Variants in SLC44A5 observed in about 807,000 individuals in gnomAD.
SLC44A5 encodes choline transporter-like protein 5.
In SLC44A5, 57 loss-of-function variants were observed where a neutral mutation model predicts 101.8. The observed-to-expected ratio is 0.56, with a 90% CI of 0.45 to 0.70. The LOEUF is 0.70. Ranked by LOEUF, SLC44A5 falls within the 30% of genes least tolerant of loss-of-function variation. SLC44A5 has a pLI of 0.00. For synonymous variants in SLC44A5, 281 were observed against 290.9 expected, an observed-to-expected ratio of 0.97 and a Z score of 0.35; for missense variants, 737 against 853.1, an observed-to-expected ratio of 0.86 and a Z score of 1.70.
intron 1 of SLC44A5, among the ~76,000 whole-genome samples, chr1:75,542,082 T>G (rs1671383715): frequency 6.6e-6 from 1 of 152,180 alleles, no homozygotes; most frequent in South Asian, 2.1e-4. Flanking sequence ...GGGGAAAAGC[T>G]ATTCAATTTT....
chr1:75,690,431 A>T, the SLC44A5 span, among the ~76,000 whole-genome samples: 1 of 152,140 alleles, frequency 6.6e-6, no homozygotes, highest in Admixed American at 6.6e-5. Flanking sequence ...TTGGGTGGGG[A>T]CCCAGAGCCA....
intron 1 of SLC44A5, among the ~76,000 whole-genome samples, chr1:75,578,165 A>C (rs1673479279): frequency 6.6e-6 from 1 of 152,022 alleles, no homozygotes; most frequent in Admixed American, 6.6e-5. Flanking sequence ...TTCCCAAGTA[A>C]ATTTTGAGTA....
intron 1 of SLC44A5, among the ~76,000 whole-genome samples, chr1:75,604,234 T>C (rs1435119289): frequency 3.3e-5 from 5 of 152,170 alleles, no homozygotes; most frequent in African/African-American, 1.2e-4. Flanking sequence ...TGCATATGGA[T>C]AGCCAGTTAT....
intron 2 of SLC44A5, among the ~76,000 whole-genome samples, chr1:75,523,679 G>A (rs1670267310): frequency 6.6e-6 from 1 of 152,202 alleles, no homozygotes; most frequent in Non-Finnish European, 1.5e-5. Flanking sequence ...AGATGTGAAG[G>A]ATGTTGCTGC....
At chr1:75,404,270 A>T (rs1662702621) in intron 2 of SLC44A5, among the ~76,000 whole-genome samples, 1 of 152,194 alleles carries the variant, frequency 6.6e-6, no homozygotes, top group Non-Finnish European at 1.5e-5. Flanking sequence ...GTTGGAAAAC[A>T]CTTTTCAGGC....
chr1:75,615,919 C>G (rs1347893027), upstream of SLC44A5: 1 of 983,466 alleles, frequency 1.0e-6, no homozygotes, highest in African/African-American at 1.7e-5. Context: ...GGACCCCCCA[C>G]GCGCTTCCTC....
At chr1:75,391,768 T>G (rs576309980) in intron 3 of SLC44A5, among the ~76,000 whole-genome samples, 2 of 152,144 alleles carry the variant, frequency 1.3e-5, no homozygotes, top group South Asian at 4.1e-4. Context: ...ACTATAAGAA[T>G]ACTAGAACAC....
At chr1:75,680,312 T>C in the SLC44A5 span, among the ~76,000 whole-genome samples, 3 of 151,642 alleles carry the variant, frequency 2.0e-5, no homozygotes, top group South Asian at 4.2e-4. Context: ...AATATACATT[T>C]TTTTCAGCAC....
chr1:75,580,760 C>A (rs1673640156), intron 1 of SLC44A5, among the ~76,000 whole-genome samples: 1 of 151,566 alleles, frequency 6.6e-6, no homozygotes, highest in South Asian at 2.1e-4. Context: ...ATCAGTAGAA[C>A]CTGGGAGGCA....
At chr1:75,668,493 T>A in the SLC44A5 span, among the ~76,000 whole-genome samples, 1 of 150,632 alleles carries the variant, frequency 6.6e-6, no homozygotes, top group Admixed American at 6.6e-5. Flanking sequence ...CCCGGTTAAT[T>A]TTTTGAGAAG....
At chr1:75,546,846 A>T (rs1671678789) in intron 1 of SLC44A5, among the ~76,000 whole-genome samples, 1 of 152,180 alleles carries the variant, frequency 6.6e-6, no homozygotes, top group African/African-American at 2.4e-5. Flanking sequence ...CCATGCATGG[A>T]TTTTAAAAAC....
At chr1:75,455,957 T>C (rs538517893) in intron 2 of SLC44A5, among the ~76,000 whole-genome samples, 38 of 152,270 alleles carry the variant, frequency 2.5e-4, no homozygotes, top group African/African-American at 8.9e-4. Flanking sequence ...TGGAGATTTC[T>C]CCAATAACTT....
At chr1:75,243,513 A>G (rs922053615) in intron 7 of SLC44A5, among the ~76,000 whole-genome samples, 2 of 152,054 alleles carry the variant, frequency 1.3e-5, no homozygotes, top group African/African-American at 4.8e-5. Flanking sequence ...TTGCTCTTTG[A>G]TATTGATGTT....
intron 3 of SLC44A5, 40 bp downstream of exon 3, chr1:75,396,543 T>A: frequency 2.0e-6 from 3 of 1,491,418 alleles, no homozygotes; most frequent in Non-Finnish European, 2.8e-6. Flanking sequence ...TAGACTGTCA[T>A]GAAAGATTCT....
chr1:75,314,749 T>G (rs555495157), intron 4 of SLC44A5, among the ~76,000 whole-genome samples: 1 of 152,344 alleles, frequency 6.6e-6, no homozygotes, highest in East Asian at 1.9e-4. Context: ...TTGAGCTCAA[T>G]GCTTTTCAGA....
At chr1:75,634,658 G>T in the SLC44A5 span, among the ~76,000 whole-genome samples, 52,329 of 147,576 alleles carry the variant, frequency 0.35, 10,705 homozygotes, top group East Asian at 0.93. Context: ...ATACAAAAAT[G>T]AATTCAAGAT....
chr1:75,679,498 T>C, the SLC44A5 span, among the ~76,000 whole-genome samples: 4 of 152,066 alleles, frequency 2.6e-5, no homozygotes, highest in African/African-American at 4.8e-5. Context: ...CAGAATTTCA[T>C]ATCCAGCCAA....
At chr1:75,270,978 T>C (rs1032462576) in intron 6 of SLC44A5, among the ~76,000 whole-genome samples, 2 of 152,118 alleles carry the variant, frequency 1.3e-5, no homozygotes, top group African/African-American at 4.8e-5. Context: ...GAGATTTGTA[T>C]GGTTTCTTTT....
chr1:75,527,623 T>C (rs575630101), intron 2 of SLC44A5, among the ~76,000 whole-genome samples: 1 of 152,280 alleles, frequency 6.6e-6, no homozygotes, highest in East Asian at 1.9e-4. Flanking sequence ...TTACCACCTA[T>C]TGATTGGCAA....
Sources: allele counts gnomAD v4.1 joint callset (sites outside exome capture counted in the v4.1 genomes callset), GRCh38; gene constraint gnomAD v4.1.1; transcripts MANE v1.5; gene names NCBI Gene and HGNC (gene_info 2026-07-23, HGNC 2026-07-21).